The following ADAM28 variants were observed in gnomAD, a reference collection of about 807,000 sequenced individuals.
The protein encoded by ADAM28 is ADAM metallopeptidase domain 28.
Under a neutral mutation model 101.2 loss-of-function variants are expected in ADAM28, and 105 were observed. That is an observed-to-expected ratio of 1.04 (90% confidence interval 0.89 to 1.22). The LOEUF (loss-of-function observed/expected upper bound fraction) is 1.22, where lower values mean the gene tolerates loss of function less well. Among genes scored for constraint, ADAM28 ranks in the 50% most tolerant of loss-of-function variants. The pLI is 0.00. For missense variants in ADAM28, 1,028 were observed against 945.4 expected (o/e 1.09, Z -1.15); for synonymous variants, 322 against 310.6 (o/e 1.04, Z -0.39).
chr8:24,357,034 G>A lies in ADAM28; in HGVS notation c.*2630G>A, dbSNP rs949392045. 5.9e-5 allele frequency: 9 copies of A among 152,144 alleles called. No homozygotes were observed. The highest frequency in any genetic ancestry group is 1.7e-4 in the African/African-American group (7 of 41,430). 9.4% of individuals were successfully genotyped at this position (152,144 alleles called of 1,614,324 possible). ...GCTATGTGTTAAGGAATTGAAGGTG[G>A]CCTCTGGCTAGCAGCCATTAAGAAA... On this transcript the variant is annotated 3_prime_UTR_variant, in exon 23 of 23. Transcript: ENST00000265769.
chr8:24,351,543 G>A (rs1215248745), intron 20 of ADAM28: 15 of 577,542 alleles, frequency 2.6e-5, no homozygotes, highest in South Asian at 7.6e-5. Flanking sequence ...TGCACATACC[G>A]GATGTCTGTC....
At chr8:24,350,954 T>C (rs760050414) in intron 19 of ADAM28, among the ~76,000 whole-genome samples, 5 of 151,454 alleles carry the variant, frequency 3.3e-5, no homozygotes, top group Non-Finnish European at 7.4e-5. Flanking sequence ...AAGACATTAA[T>C]AAAACAACAT....
chr8:24,333,357 T>C (rs1040245578), intron 13 of ADAM28, among the ~76,000 whole-genome samples: 1 of 152,198 alleles, frequency 6.6e-6, no homozygotes, highest in Non-Finnish European at 1.5e-5. Context: ...AACACCTATG[T>C]AAGAGACCGA....
chr8:24,350,472 G>C (rs925884057), intron 19 of ADAM28, among the ~76,000 whole-genome samples: 1 of 151,760 alleles, frequency 6.6e-6, no homozygotes, highest in African/African-American at 2.4e-5. Flanking sequence ...CCACCACACC[G>C]GGTTATTTTT....
In ADAM28 at chr8:24,294,155, GCAAGGTCTCCTGC is replaced by G. The variant is rs1409026742; in HGVS notation, c.9_21del (p.Gly4SerfsTer9). 1 of 1,614,124 alleles carries G rather than the reference GCAAGGTCTCCTGC, an allele frequency of 6.2e-7. No homozygotes were observed. The highest frequency in any genetic ancestry group is 8.5e-7 in the Non-Finnish European group (1 of 1,180,004). ...TGCTCCTGGAATCACCCAGCATGTT[GCAAGGTCTCCTGC>G]CAGTCAGTCTCCTCCTCTCTGTTGC... On this transcript the variant is annotated frameshift_variant, in exon 1 of 23. Transcript: ENST00000265769. LOFTEE classifies it high-confidence loss of function.
At chr8:24,326,888 G>A (rs1198519763) in intron 10 of ADAM28, among the ~76,000 whole-genome samples, 1 of 151,954 alleles carries the variant, frequency 6.6e-6, no homozygotes, top group East Asian at 1.9e-4. Flanking sequence ...AGGTATTGAA[G>A]GAACATATCT....
Position 24,339,489 on chromosome 8 carries a change from T to C in ADAM28, c.1591T>C (p.Cys531Arg), listed in dbSNP as rs1243875058. ...GPGTEVADKS[C>R]YNRNEGGSKY... is the part of the protein sequence containing the mutation. ...AGGAACTGAGGTTGCAGATAAGTCA[T>C]GTTACAACAGGAATGAAGGTGGGTC... Residue 531 changes from cysteine (C) to arginine (R), a missense_variant, in exon 15 of 23, where the codon TGT becomes CGT. Coordinates refer to ENST00000265769, the MANE Select transcript of ADAM28 (RefSeq NM_014265.6). The C allele has an allele frequency of 1.7e-5, 27 of 1,613,318 alleles. No homozygotes were observed. The Admixed American group carries it at 3.3e-4, about 20-fold the overall frequency.
chr8:24,342,898 A>T, intron 16 of ADAM28: 2 of 842,200 alleles, frequency 2.4e-6, no homozygotes, highest in South Asian at 4.8e-5. Flanking sequence ...ATAAATTCTT[A>T]GATAGACTTT....
chr8:24,311,986 G>A (rs1424701886), intron 5 of ADAM28, among the ~76,000 whole-genome samples: 1 of 151,954 alleles, frequency 6.6e-6, no homozygotes, highest in South Asian at 2.1e-4. Flanking sequence ...TAGTCTGCCC[G>A]CCTCAGCCTC....
chr8:24,335,711 T>C lies in ADAM28; in HGVS notation c.1567+70T>C, dbSNP rs756440835. On this transcript the variant is annotated intron_variant, in intron 14 of 22. Transcript: ENST00000265769. ...CATTTCAGATGACAGTGTTTAACCA[T>C]GGTCAAAGGACCATTCTGTCCTATC... 9.6e-6 allele frequency: 14 copies of C among 1,456,360 alleles called. No individual in the cohort carries two copies. The South Asian group carries it at 1.4e-4, about 14-fold the overall frequency. 90.2% of individuals were successfully genotyped at this position (1,456,360 alleles called of 1,614,324 possible).
chr8:24,340,585 T>C (rs1343228537), intron 15 of ADAM28, among the ~76,000 whole-genome samples: 1 of 152,134 alleles, frequency 6.6e-6, no homozygotes, highest in Admixed American at 6.5e-5. Flanking sequence ...GTTTCTGTGC[T>C]CTAGTGGCTC....
At chr8:24,327,244 C>G (rs533643972) in intron 10 of ADAM28, among the ~76,000 whole-genome samples, 1 of 152,108 alleles carries the variant, frequency 6.6e-6, no homozygotes, top group African/African-American at 2.4e-5. Flanking sequence ...TTCGTATACA[C>G]CAATAACAGA....
At chr8:24,318,097 G>A (rs1385020890) in intron 6 of ADAM28, among the ~76,000 whole-genome samples, 2 of 151,952 alleles carry the variant, frequency 1.3e-5, no homozygotes, top group African/African-American at 4.8e-5. Flanking sequence ...CAGCTGCACC[G>A]GTTACAGCTT....
rs1816710528 is a variant in ADAM28 at position 24,356,706 on chromosome 8, C to T, written c.*2302C>T. 1 of 152,110 alleles carries T rather than the reference C, an allele frequency of 6.6e-6. No homozygotes were observed. The highest frequency in any genetic ancestry group is 2.4e-5 in the African/African-American group (1 of 41,430). The allele number at this position is 152,110 out of a possible 1,614,324, so 9.4% of individuals were successfully genotyped here. ...ATTCCGCTTATTTGACATTTAACTA[C>T]CTCAGATATGCCACCAAACCTGTTT... is the stretch of plus-strand genomic sequence containing the variant. On this transcript the variant is annotated 3_prime_UTR_variant, in exon 23 of 23. Coordinates refer to ENST00000265769, the MANE Select transcript of ADAM28 (RefSeq NM_014265.6).
At chr8:24,341,976 C>T (rs1215118970) in intron 16 of ADAM28, among the ~76,000 whole-genome samples, 1 of 152,120 alleles carries the variant, frequency 6.6e-6, no homozygotes, top group Non-Finnish European at 1.5e-5. Flanking sequence ...CATTCTCAAA[C>T]ACTGTGGTGA....
At chr8:24,317,660 G>T (rs1477562450) in intron 6 of ADAM28, among the ~76,000 whole-genome samples, 1 of 151,758 alleles carries the variant, frequency 6.6e-6, no homozygotes, top group Non-Finnish European at 1.5e-5. Context: ...AAAAGCTAAG[G>T]TTATAAAAGT....
At chr8:24,336,427 C>CA (rs1421101378) in intron 14 of ADAM28, among the ~76,000 whole-genome samples, 1 of 150,816 alleles carries the variant, frequency 6.6e-6, no homozygotes, top group Non-Finnish European at 1.5e-5. Context: ...ACTAAAAATA[C>CA]AAAAAATTAG....
Position 24,349,983 on chromosome 8 carries a change from AT to A in ADAM28, c.2099+12del. ...GAAGAAAGATCAGAGGTGATCCTTT[AT>A]CTTATCTTGCTGTAGGGACTCTTTG... On this transcript the variant is annotated intron_variant, in intron 19 of 22. Coordinates refer to ENST00000265769, the MANE Select transcript of ADAM28 (RefSeq NM_014265.6). The A allele has an allele frequency of 6.2e-7, 1 of 1,611,464 alleles. No individual in the cohort carries two copies. The highest frequency in any genetic ancestry group is 8.5e-7 in the Non-Finnish European group (1 of 1,178,056).
chr8:24,300,184 T>TTA (rs1443710198), intron 2 of ADAM28, 107 bp downstream of exon 2: 19 of 914,050 alleles, frequency 2.1e-5, no homozygotes, highest in South Asian at 8.8e-5. Context: ...ACATGTATGT[T>TTA]TATATATGTG....
Sources: allele counts gnomAD v4.1 joint callset (sites outside exome capture counted in the v4.1 genomes callset), GRCh38; gene constraint gnomAD v4.1.1; transcripts MANE v1.5; gene names NCBI Gene and HGNC (gene_info 2026-07-23, HGNC 2026-07-21).